The following TAF3 variants were observed in gnomAD, a reference collection of about 807,000 sequenced individuals.
The protein encoded by TAF3 is transcription initiation factor TFIID subunit 3.
A neutral mutation model predicts 80.6 loss-of-function variants in TAF3; 7 were observed. That is an observed-to-expected ratio of 0.09 (90% CI 0.05 to 0.16). The LOEUF is 0.16. Ranked by LOEUF, TAF3 falls within the 10% of genes least tolerant of loss-of-function variation. The pLI is 1.00. For synonymous variants in TAF3, 444 were observed against 446.1 expected (o/e 1.00, Z 0.06); for missense variants, 921 against 1,140.2 (o/e 0.81, Z 2.77).
chr10:7,823,751 C>G (rs1836712940), intron 1 of TAF3, among the ~76,000 whole-genome samples: 1 of 151,666 alleles, frequency 6.6e-6, no homozygotes, highest in East Asian at 1.9e-4. Flanking sequence ...TCTCCTGCCT[C>G]AGTCCCCTGA....
chr10:7,993,880 C>CTTTTTTTTT (rs953356058), intron 4 of TAF3, among the ~76,000 whole-genome samples: 1 of 104,418 alleles, frequency 9.6e-6, no homozygotes, highest in Non-Finnish European at 1.9e-5. Flanking sequence ...AATATACAAT[C>CTTTTTTTTT]TTTTTTTTTT....
chr10:7,983,219 C>G (rs768437660), intron 4 of TAF3, among the ~76,000 whole-genome samples: 9 of 152,202 alleles, frequency 5.9e-5, no homozygotes, highest in Non-Finnish European at 1.3e-4. Flanking sequence ...GTTATCAGCC[C>G]CCGTGAAGGA....
intron 5 of TAF3, among the ~76,000 whole-genome samples, chr10:8,012,303 C>G (rs1256106383): frequency 6.6e-6 from 1 of 152,216 alleles, no homozygotes; most frequent in Non-Finnish European, 1.5e-5. Context: ...CAAATTTTGT[C>G]ACTGCCTAAT....
At chr10:7,985,370 A>G (rs939536239) in intron 4 of TAF3, among the ~76,000 whole-genome samples, 2 of 151,840 alleles carry the variant, frequency 1.3e-5, no homozygotes, top group Non-Finnish European at 2.9e-5. Flanking sequence ...TCCCTCTCTT[A>G]GCTCCTCTCC....
chr10:7,952,817 T>A (rs1838095893), intron 2 of TAF3, among the ~76,000 whole-genome samples: 1 of 152,246 alleles, frequency 6.6e-6, no homozygotes, highest in African/African-American at 2.4e-5. Flanking sequence ...GTAAACAGGT[T>A]TATTTTAAAA....
intron 2 of TAF3, among the ~76,000 whole-genome samples, chr10:7,851,321 G>C (rs1473935003): frequency 6.6e-6 from 1 of 152,136 alleles, no homozygotes; most frequent in African/African-American, 2.4e-5. Context: ...TCACAAAAGG[G>C]CACATGGCTG....
intron 4 of TAF3, among the ~76,000 whole-genome samples, chr10:7,991,378 A>G (rs987531128): frequency 3.3e-5 from 5 of 152,166 alleles, no homozygotes; most frequent in African/African-American, 4.8e-5. Flanking sequence ...TTTTGTAACT[A>G]ATTTATTTCT....
intron 4 of TAF3, among the ~76,000 whole-genome samples, chr10:8,003,630 T>A (rs535401547): frequency 1.3e-5 from 2 of 152,370 alleles, no homozygotes; most frequent in Middle Eastern, 3.4e-3. Context: ...AAACTATCAT[T>A]TGTTGCATTT....
At chr10:7,840,297 C>T (rs1273585357) in intron 2 of TAF3, among the ~76,000 whole-genome samples, 7 of 151,726 alleles carry the variant, frequency 4.6e-5, no homozygotes, top group Non-Finnish European at 8.8e-5. Flanking sequence ...TGACTACAGG[C>T]GCCCGCCACC....
chr10:7,957,791 C>CGCTCTCTCTA (rs1378387504), intron 2 of TAF3, among the ~76,000 whole-genome samples: 1 of 114,748 alleles, frequency 8.7e-6, no homozygotes, highest in African/African-American at 3.4e-5. Context: ...CTCTCTCTAG[C>CGCTCTCTCTA]GCGCTCTCTC....
At chr10:7,935,497 TG>T (rs1837909261) in intron 2 of TAF3, among the ~76,000 whole-genome samples, 1 of 151,714 alleles carries the variant, frequency 6.6e-6, no homozygotes, top group Non-Finnish European at 1.5e-5. Flanking sequence ...GGCAGGAGAA[TG>T]GCGTGAACCC....
rs919263828 is a variant in TAF3 at position 7,923,717 on chromosome 10, CA to C, written c.410-40194del. ...AAGAGTACCTCCCTGCTTTTAAACA[CA>C]AAAAAAAAGGACTCCCCCAATTTTT... On this transcript the variant is annotated intron_variant, in intron 2 of 6. Transcript: ENST00000344293. Among the ~76,000 whole-genome samples the C allele has an allele frequency of 3.9e-3, 589 of 149,534 alleles. 3 individuals are homozygous for C. The highest frequency in any genetic ancestry group is 0.013 in the African/African-American group (516 of 40,856).
At position 8,016,143 on chromosome 10, in the gene TAF3, C is replaced by T. The variant is rs1250983526; in HGVS notation, c.*1392C>T. On this transcript the variant is annotated 3_prime_UTR_variant, in exon 7 of 7. Transcript: ENST00000344293. ...TAACTTTATTAGCATATTTTAGCAACTTTGGGATAAATACGGACTTTTACT... is the reference window on the plus strand; with the variant it reads ...TAACTTTATTAGCATATTTTAGCAATTTTGGGATAAATACGGACTTTTACT... The T allele has an allele frequency of 2.0e-5, 3 of 152,086 alleles. No homozygotes were observed. The highest frequency in any genetic ancestry group is 4.4e-5 in the Non-Finnish European group (3 of 68,008). 9.4% of individuals were successfully genotyped at this position (152,086 alleles called of 1,614,324 possible). A position where few individuals can be genotyped will look rare whatever the true frequency, so the allele number is the denominator to read the frequency against.
At position 8,009,134 on chromosome 10, in the gene TAF3, G is replaced by A. The variant is rs753039563; in HGVS notation, c.2372G>A (p.Arg791Lys). Residue 791 changes from arginine (R) to lysine (K), a missense_variant, in exon 5 of 7, where the codon AGG becomes AAG. Transcript: ENST00000344293. This position sits in a 1 kb window ranked among gnomAD's most constrained non-coding sequence, Gnocchi z 4.1. Reference sequence around the variant, plus strand: ...GCCAAGCCGGCGCCCTCGCAGAACAGGCCGAAGACCCCACCGCCGGCCCCC... The same window carrying A: ...GCCAAGCCGGCGCCCTCGCAGAACAAGCCGAAGACCCCACCGCCGGCCCCC... ...PEAKPAPSQNRPKTPPPAPAP... is the reference protein window; with the variant it reads ...PEAKPAPSQNKPKTPPPAPAP... 5.0e-6 allele frequency: 8 copies of A among 1,596,822 alleles called. No homozygotes were observed. The highest frequency in any genetic ancestry group is 6.8e-6 in the Non-Finnish European group (8 of 1,172,526).
chr10:7,965,260 G>A lies in TAF3; in HGVS notation c.1750G>A (p.Glu584Lys). The stretch of plus-strand genomic sequence containing the variant: ...CTGGAAGGAATTTCTTAAAGAGGAA[G>A]AGGCAGATCCCTACAAGTTTAAAAT... ...YPWKEFLKEE[E>K]ADPYKFKIKE... The change falls in exon 3 of 7, where the codon GAG (glutamate) becomes AAG (lysine). Residue 584 changes from glutamate (E) to lysine (K), a missense_variant. Glu to Lys is a moderately conservative substitution (Grantham distance 56, BLOSUM62 1). Around this residue, in one of 6 missense-constraint regions of TAF3, gnomAD observed 743 missense variants for 821.0 expected, o/e 0.90. Coordinates refer to ENST00000344293, the MANE Select transcript of TAF3 (RefSeq NM_031923.4). The A allele has an allele frequency of 6.2e-7, 1 of 1,608,782 alleles. No individual in the cohort carries two copies. Among genetic ancestry groups the A allele is most frequent in the Middle Eastern group, 1.7e-4 (1 of 6,032 alleles).
At position 7,913,279 on chromosome 10, in the gene TAF3, T is replaced by C. The variant is rs1026082111; in HGVS notation, c.410-50641T>C. Among the ~76,000 whole-genome samples the C allele has an allele frequency of 3.3e-5, 5 of 152,232 alleles. No homozygotes were observed. In the East Asian group the frequency reaches 9.7e-4, roughly 29 times the overall value. Reference sequence around the variant, plus strand: ...TTGGGAGGACATGGGAGGACATGATTGAGTTCATAGCAGATGGCAGTGAAA... The same window carrying C: ...TTGGGAGGACATGGGAGGACATGATCGAGTTCATAGCAGATGGCAGTGAAA... On this transcript the variant is annotated intron_variant, in intron 2 of 6. Transcript: ENST00000344293.
In TAF3 at chr10:7,925,146, G is replaced by A. The variant is rs545867636; in HGVS notation, c.410-38774G>A. Among the ~76,000 whole-genome samples the A allele has an allele frequency of 3.9e-5, 6 of 152,254 alleles. No homozygotes were observed. In the East Asian group the frequency reaches 1.2e-3, roughly 29 times the overall value. On this transcript the variant is annotated intron_variant, in intron 2 of 6. Transcript: ENST00000344293. ...GTTTTCTGTGAACCTTGGGATAAAA[G>A]TCTATTTTTAAACTTCAAAAATGTG... is the stretch of plus-strand genomic sequence containing the variant.
chr10:7,968,176 T>G (rs550802368), intron 3 of TAF3, among the ~76,000 whole-genome samples: 1 of 152,236 alleles, frequency 6.6e-6, no homozygotes, highest in African/African-American at 2.4e-5. Flanking sequence ...AGCAGCTTTA[T>G]GTAAGGCACC....
intron 4 of TAF3, among the ~76,000 whole-genome samples, chr10:8,005,944 T>C (rs1219990251): frequency 3.3e-5 from 5 of 152,212 alleles, no homozygotes; most frequent in Non-Finnish European, 7.3e-5. Context: ...AGTAGTAACC[T>C]GTGTTAATTT....
Sources: gnomAD v4.1 joint callset for allele counts (sites outside exome capture counted in the v4.1 genomes callset) on GRCh38, gnomAD v4.1.1 for gene constraint, gnomAD v4.1.1 regional missense constraint, Gnocchi (gnomAD v3.1) non-coding constraint, MANE v1.5 for transcripts, NCBI Gene and HGNC (gene_info 2026-07-23, HGNC 2026-07-21) for gene names.